LIG1: variants seen among roughly 807,000 people sequenced by gnomAD.
LIG1 encodes ligase I, DNA, ATP-dependent.
LIG1 carries 70 observed loss-of-function variants against 115.7 expected under a neutral mutation model. That is an observed-to-expected ratio of 0.60 (90% confidence interval 0.50 to 0.74). LIG1 has a LOEUF of 0.74. Ranked by LOEUF, LIG1 falls within the 30% of genes least tolerant of loss-of-function variation. The pLI, the probability that LIG1 is intolerant of heterozygous loss-of-function variation, is 0.00. For missense variants in LIG1, 1,115 were observed against 1,225.6 expected (o/e 0.91, Z 1.35); for synonymous variants, 487 against 495.3 (o/e 0.98, Z 0.22).
intron 20 of LIG1, 123 bp downstream of exon 20, chr19:48,127,787 T>C: frequency 1.2e-6 from 1 of 850,006 alleles, no homozygotes; most frequent in Non-Finnish European, 2.1e-6. Flanking sequence ...TGCAGAAGGC[T>C]GAGAGAAGTG....
intron 4 of LIG1, among the ~76,000 whole-genome samples, chr19:48,159,526 G>A (rs12610623): frequency 0.31 from 47,027 of 152,042 alleles, 8,338 homozygotes; most frequent in East Asian, 0.55. Context: ...TAGGTTACAT[G>A]GCAAAGGGTA....
intron 10 of LIG1, 103 bp downstream of exon 10, chr19:48,143,780 G>C: frequency 1.7e-6 from 2 of 1,158,722 alleles, no homozygotes; most frequent in Non-Finnish European, 2.6e-6. Context: ...CAAAACACAG[G>C]AGGGAGAGAC....
At chr19:48,164,494 G>T (rs138526035) in intron 2 of LIG1, among the ~76,000 whole-genome samples, 2 of 152,190 alleles carry the variant, frequency 1.3e-5, no homozygotes, top group African/African-American at 4.8e-5. Flanking sequence ...CTGTGACCAG[G>T]GGTGGACACG....
chr19:48,154,200 C>A, intron 5 of LIG1: 2 of 536,800 alleles, frequency 3.7e-6, no homozygotes, highest in East Asian at 3.7e-5. Context: ...CTCACGACTG[C>A]AGAATAGAAA....
At chr19:48,135,507 T>C (rs1288419858) in intron 16 of LIG1, among the ~76,000 whole-genome samples, 173 bp downstream of exon 16, 5 of 152,122 alleles carry the variant, frequency 3.3e-5, no homozygotes, top group Admixed American at 3.3e-4. Flanking sequence ...CATCCTTGTG[T>C]CAAGCACCAG....
chr19:48,151,082 C>G, intron 7 of LIG1, 150 bp downstream of exon 7: 2 of 584,660 alleles, frequency 3.4e-6, no homozygotes, highest in East Asian at 2.8e-5. Context: ...AAAAAAAAAC[C>G]CGAGTAATAA....
intron 6 of LIG1, among the ~76,000 whole-genome samples, chr19:48,152,773 T>C (rs1401760498): frequency 2.6e-5 from 4 of 152,230 alleles, no homozygotes; most frequent in Non-Finnish European, 4.4e-5. Context: ...GTTGCTGCTA[T>C]AAAAATCAAG....
chr19:48,116,505 C>T (rs1209947170), intron 26 of LIG1, among the ~76,000 whole-genome samples: 8 of 150,728 alleles, frequency 5.3e-5, no homozygotes, highest in East Asian at 3.9e-4. Context: ...GACGGTAATT[C>T]GGGCTGAGAG....
Position 48,122,861 on chromosome 19 carries a change from G to A in LIG1, c.2232+73C>T, listed in dbSNP as rs1334840749. 18 of 1,402,516 alleles carry A rather than the reference G, an allele frequency of 1.3e-5. No individual in the cohort carries two copies. Among genetic ancestry groups the A allele is most frequent in the Non-Finnish European group, 1.5e-5 (15 of 987,462 alleles). The allele number at this position is 1,402,516 out of a possible 1,614,324, so 86.9% of individuals were successfully genotyped here. ...CAGACAGGGTACACAGTGGAGGCTC[G>A]AAATCCACTGCCTAGCTGGGACAGA... On this transcript the variant is annotated intron_variant, in intron 23 of 27. Coordinates refer to ENST00000263274, the MANE Select transcript of LIG1 (RefSeq NM_000234.3). The surrounding 1 kb of genome is among the most constrained non-coding windows in gnomAD (Gnocchi z 4.3).
At chr19:48,163,054 A>G (rs895428503) in intron 2 of LIG1, among the ~76,000 whole-genome samples, 3 of 151,424 alleles carry the variant, frequency 2.0e-5, no homozygotes, top group African/African-American at 7.3e-5. Context: ...AGCTGGGATT[A>G]CAGGTGCCCA....
Position 48,135,767 on chromosome 19 carries a change from G to C in LIG1, c.1436C>G (p.Ala479Gly), listed in dbSNP as rs1324587858. Reference protein sequence around the residue: ...LTPPGQEFPPAMVDAGKGKTA... With the variant: ...LTPPGQEFPPGMVDAGKGKTA... ...CTTGCCCTTCCCAGCATCCACCATG[G>C]CTGGTGGGAATTCTAAGAAAAGACC... The change falls in exon 16 of 28, where the codon GCC becomes GGC. Residue 479 changes from alanine to glycine, a missense_variant. Transcript: ENST00000263274. 1 of 1,613,752 alleles carries C rather than the reference G, an allele frequency of 6.2e-7. No individual in the cohort carries two copies. The highest frequency in any genetic ancestry group is 1.7e-5 in the Admixed American group (1 of 60,004).
chr19:48,136,776 C>T (rs1729838763), intron 14 of LIG1, among the ~76,000 whole-genome samples: 1 of 152,212 alleles, frequency 6.6e-6, no homozygotes, highest in Admixed American at 6.5e-5. Context: ...CAGCATGCTT[C>T]ACCCACAGGG....
intron 18 of LIG1, 57 bp downstream of exon 18, chr19:48,132,925 A>G (rs974786358): frequency 1.5e-6 from 2 of 1,296,186 alleles, no homozygotes; most frequent in African/African-American, 2.9e-5. Flanking sequence ...GTGACCCCAC[A>G]CCCCTGCTCT....
chr19:48,157,176 G>A, intron 4 of LIG1, 36 bp from the exon 5 acceptor site: 1 of 1,581,474 alleles, frequency 6.3e-7, no homozygotes, highest in Non-Finnish European at 8.6e-7. Context: ...AGTGAGCGGG[G>A]GAAGGAGGGA....
chr19:48,165,934 A>G (rs2036458066), intron 1 of LIG1, among the ~76,000 whole-genome samples: 1 of 152,192 alleles, frequency 6.6e-6, no homozygotes, highest in Non-Finnish European at 1.5e-5. Context: ...AAGGTTAGTG[A>G]AAAATTGTTT....
intron 12 of LIG1, 35 bp downstream of exon 12, chr19:48,139,936 G>A (rs781495277): frequency 9.3e-6 from 15 of 1,610,706 alleles, no homozygotes; most frequent in Non-Finnish European, 1.3e-5. Flanking sequence ...CTGAGCTCCT[G>A]TCCTTCTGGT....
chr19:48,135,624 C>A, intron 16 of LIG1, 56 bp downstream of exon 16: 1 of 1,392,690 alleles, frequency 7.2e-7, no homozygotes, highest in Non-Finnish European at 1.0e-6. Context: ...GCTCCACCCC[C>A]ACCCTGGCAC....
At chr19:48,168,098 G>A (rs1293891320) in intron 1 of LIG1, among the ~76,000 whole-genome samples, 1 of 152,172 alleles carries the variant, frequency 6.6e-6, no homozygotes, top group African/African-American at 2.4e-5. Flanking sequence ...AAGGCACAGA[G>A]GGGTTTTCAA....
chr19:48,165,208 G>C (rs188236722), intron 2 of LIG1, among the ~76,000 whole-genome samples: 33 of 152,108 alleles, frequency 2.2e-4, no homozygotes, highest in Middle Eastern at 6.8e-3. Flanking sequence ...GCAGTGAGCC[G>C]AGATTGCGCC....
Sources: gnomAD v4.1 joint callset for allele counts (sites outside exome capture counted in the v4.1 genomes callset) on GRCh38, gnomAD v4.1.1 for gene constraint, Gnocchi (gnomAD v3.1) non-coding constraint, MANE v1.5 for transcripts, NCBI Gene and HGNC (gene_info 2026-07-23, HGNC 2026-07-21) for gene names.